Variants in NRG3 observed in about 807,000 individuals in gnomAD.
NRG3 encodes pro-neuregulin-3, membrane-bound isoform.
A neutral mutation model predicts 66.9 loss-of-function variants in NRG3; 31 were observed. The ratio of observed to expected loss-of-function variants is 0.46; its 90% CI spans 0.35 to 0.63. NRG3 has a LOEUF of 0.63. Ranked by LOEUF, NRG3 falls within the 20% of genes least tolerant of loss-of-function variation. The pLI is 0.00. For synonymous variants in NRG3, 393 were observed against 359.4 expected (o/e 1.09, Z -1.06); for missense variants, 910 against 878.9 (o/e 1.04, Z -0.45).
intron 2 of NRG3, among the ~76,000 whole-genome samples, chr10:82,640,139 C>T (rs1467266620): frequency 6.6e-6 from 1 of 152,152 alleles, no homozygotes; most frequent in African/African-American, 2.4e-5. Flanking sequence ...TACCATTTGA[C>T]ACAGCAATAC....
intron 3 of NRG3, among the ~76,000 whole-genome samples, chr10:82,796,540 A>T (rs1381679379): frequency 1.3e-5 from 2 of 152,214 alleles, no homozygotes; most frequent in Non-Finnish European, 2.9e-5. Flanking sequence ...AAATTTATCA[A>T]ATAGCTACAA....
chr10:82,574,754 A>G (rs2881886), intron 2 of NRG3, among the ~76,000 whole-genome samples: 68,925 of 151,710 alleles, frequency 0.45, 17,271 homozygotes, highest in African/African-American at 0.65. Context: ...TTTTGATACC[A>G]TAGATAAACC....
At chr10:82,038,626 T>A (rs1476483716) in intron 1 of NRG3, among the ~76,000 whole-genome samples, 1 of 152,152 alleles carries the variant, frequency 6.6e-6, no homozygotes, top group African/African-American at 2.4e-5. Context: ...GTGAATTTGA[T>A]CTTTATTAAT....
At chr10:82,397,341 A>G (rs1169958107) in intron 2 of NRG3, among the ~76,000 whole-genome samples, 1 of 152,182 alleles carries the variant, frequency 6.6e-6, no homozygotes, top group Non-Finnish European at 1.5e-5. Flanking sequence ...TATGTGGATA[A>G]TCTTGAAGTT....
chr10:82,801,943 T>C (rs1565330482), intron 3 of NRG3, among the ~76,000 whole-genome samples: 1 of 152,206 alleles, frequency 6.6e-6, no homozygotes, highest in Non-Finnish European at 1.5e-5. Flanking sequence ...AAGTCTCTTG[T>C]ATGTGAGCTG....
intron 2 of NRG3, among the ~76,000 whole-genome samples, chr10:82,561,613 A>G (rs562758743): frequency 2.6e-4 from 39 of 152,280 alleles, no homozygotes; most frequent in African/African-American, 9.4e-4. Context: ...AGATGGCACC[A>G]CTGTGCTCCA....
At chr10:82,558,365 T>C (rs528872744) in intron 2 of NRG3, among the ~76,000 whole-genome samples, 35 of 152,126 alleles carry the variant, frequency 2.3e-4, no homozygotes, top group Non-Finnish European at 4.1e-4. Flanking sequence ...TCAGCTAAGA[T>C]TTTTTTGTAG....
At chr10:82,159,060 A>T (rs1199775238) in intron 1 of NRG3, among the ~76,000 whole-genome samples, 1 of 151,900 alleles carries the variant, frequency 6.6e-6, no homozygotes, top group Non-Finnish European at 1.5e-5. Context: ...CTTTTAAGAC[A>T]AACAAAAAAT....
chr10:82,599,887 A>G (rs1280576439), intron 2 of NRG3, among the ~76,000 whole-genome samples: 1 of 152,192 alleles, frequency 6.6e-6, no homozygotes, highest in African/African-American at 2.4e-5. Flanking sequence ...CAGAAATGAC[A>G]TGGAAAGTAG....
chr10:82,610,552 A>G (rs1274536551), intron 2 of NRG3, among the ~76,000 whole-genome samples: 1 of 152,184 alleles, frequency 6.6e-6, no homozygotes, highest in Non-Finnish European at 1.5e-5. Flanking sequence ...ATTATTGTCC[A>G]AGTGTCAAGC....
At chr10:82,529,503 C>G (rs767391216) in intron 2 of NRG3, among the ~76,000 whole-genome samples, 15 of 152,192 alleles carry the variant, frequency 9.9e-5, no homozygotes, top group Admixed American at 2.0e-4. Flanking sequence ...TGGAATAAAT[C>G]TACAACTGTT....
At chr10:82,603,462 G>A (rs2047759366) in intron 2 of NRG3, among the ~76,000 whole-genome samples, 1 of 152,074 alleles carries the variant, frequency 6.6e-6, no homozygotes, top group African/African-American at 2.4e-5. Flanking sequence ...TTTCTTTTAT[G>A]GACTAGGAAA....
At chr10:82,434,381 A>G (rs1014552087) in intron 2 of NRG3, among the ~76,000 whole-genome samples, 2 of 152,148 alleles carry the variant, frequency 1.3e-5, no homozygotes, top group Non-Finnish European at 2.9e-5. Context: ...ATACAAAATC[A>G]TGTTGTCCGC....
At chr10:82,180,224 G>T (rs1455775740) in intron 1 of NRG3, among the ~76,000 whole-genome samples, 1 of 151,386 alleles carries the variant, frequency 6.6e-6, no homozygotes, top group Non-Finnish European at 1.5e-5. Context: ...TTTCATTTTT[G>T]ATTATTTTAT....
intron 1 of NRG3, among the ~76,000 whole-genome samples, chr10:82,276,916 ATTAGG>A (rs1486984046): frequency 6.6e-6 from 1 of 152,030 alleles, no homozygotes; most frequent in Non-Finnish European, 1.5e-5. Context: ...CTTCCTTAGC[ATTAGG>A]TTAAATTTTA....
At chr10:82,956,154 A>G (rs1850028778) in intron 5 of NRG3, among the ~76,000 whole-genome samples, 1 of 151,990 alleles carries the variant, frequency 6.6e-6, no homozygotes, top group Admixed American at 6.5e-5. Context: ...AATAATGCCT[A>G]ACAATGGATT....
chr10:82,738,738 T>C (rs1018814748), intron 3 of NRG3, 88 bp downstream of exon 3: 1 of 1,174,196 alleles, frequency 8.5e-7, no homozygotes, highest in African/African-American at 1.5e-5. Flanking sequence ...GAAAGCTATA[T>C]TTCAGTCTTG....
intron 2 of NRG3, among the ~76,000 whole-genome samples, chr10:82,718,644 C>T (rs2057117885): frequency 6.6e-6 from 1 of 152,126 alleles, no homozygotes; most frequent in Non-Finnish European, 1.5e-5. Context: ...GCTGACTTAA[C>T]AACACAGGGT....
At chr10:82,138,945 T>A (rs1317365615) in intron 1 of NRG3, among the ~76,000 whole-genome samples, 1 of 152,112 alleles carries the variant, frequency 6.6e-6, no homozygotes, top group Non-Finnish European at 1.5e-5. Flanking sequence ...TCTGTCTCCC[T>A]CTGTCCACTG....
Sources: allele counts gnomAD v4.1 joint callset (sites outside exome capture counted in the v4.1 genomes callset), GRCh38; gene constraint gnomAD v4.1.1; transcripts MANE v1.5; gene names NCBI Gene and HGNC (gene_info 2026-07-23, HGNC 2026-07-21).